Variants in PDE6G observed in about 807,000 individuals in gnomAD.
PDE6G encodes the protein phosphodiesterase 6G.
Under a neutral mutation model 10.9 loss-of-function variants are expected in PDE6G, and 10 were observed. The observed-to-expected ratio is 0.91, with a 90% CI of 0.56 to 1.55. The LOEUF is 1.55. Ranked by LOEUF, PDE6G falls within the 40% of genes most tolerant of loss-of-function variation. The probability of loss-of-function intolerance (pLI) is 0.00; values close to 1 mark genes in which losing one functional copy is unlikely to be tolerated. For synonymous variants in PDE6G, 41 were observed against 42.8 expected (o/e 0.96, Z 0.16); for missense variants, 102 against 110.1 (o/e 0.93, Z 0.33).
At chr17:81,655,512 G>A (rs916105975) in intron 1 of PDE6G, among the ~76,000 whole-genome samples, 7 of 152,238 alleles carry the variant, frequency 4.6e-5, no homozygotes, top group African/African-American at 1.4e-4. Flanking sequence ...TGCACAGGGT[G>A]GCCTCTCCTC....
intron 1 of PDE6G, among the ~76,000 whole-genome samples, chr17:81,661,809 C>T (rs1051786792): frequency 5.0e-5 from 7 of 140,680 alleles, no homozygotes; most frequent in Admixed American, 3.8e-4. Flanking sequence ...GCAGTGAGCC[C>T]GAGATTGCGC....
chr17:81,658,686 C>G (rs537041854), upstream of PDE6G, among the ~76,000 whole-genome samples: 1 of 151,658 alleles, frequency 6.6e-6, no homozygotes, highest in African/African-American at 2.4e-5. Context: ...ACTAAAAATA[C>G]AAAAATTAGC....
At chr17:81,655,242 C>T (rs984621004) in intron 1 of PDE6G, among the ~76,000 whole-genome samples, 10 of 152,172 alleles carry the variant, frequency 6.6e-5, no homozygotes, top group Admixed American at 3.3e-4. Flanking sequence ...TCCCCAGGCA[C>T]GGCGCCCCTG....
chr17:81,661,858 CA>C (rs33915100), intron 1 of PDE6G, among the ~76,000 whole-genome samples: 11,961 of 65,268 alleles, frequency 0.18, 481 homozygotes, highest in Middle Eastern at 0.27. Context: ...GACTCTGTCT[CA>C]AAAAAAAAAA....
At chr17:81,662,017 C>G (rs1414276465) in intron 1 of PDE6G, among the ~76,000 whole-genome samples, 1 of 151,792 alleles carries the variant, frequency 6.6e-6, no homozygotes, top group Non-Finnish European at 1.5e-5. Flanking sequence ...GGTGACAGGG[C>G]GAGACTCTGT....
In PDE6G at chr17:81,661,810, G is replaced by A. The variant is rs577376922; in HGVS notation, c.-60+1249C>T. 5.6e-4 allele frequency among the ~76,000 whole-genome samples: 80 copies of A among 142,744 alleles called. 1 individual carries two copies. The highest frequency in any genetic ancestry group is 2.1e-3 in the African/African-American group (80 of 38,210). The allele number at this position is 142,744 out of a possible 152,430, so 93.6% of individuals were successfully genotyped here. A position where few individuals can be genotyped will look rare whatever the true frequency, so the allele number is the denominator to read the frequency against. Reference sequence around the variant, plus strand: ...GGGCGGCAGAGGTTGCAGTGAGCCCGAGATTGCGCCACTGCACTCCAGCCT... The same window carrying A: ...GGGCGGCAGAGGTTGCAGTGAGCCCAAGATTGCGCCACTGCACTCCAGCCT... On this transcript the variant is annotated intron_variant, in intron 1 of 3. Coordinates refer to the PDE6G transcript ENST00000571224.
At position 81,651,610 on chromosome 17, in the gene PDE6G, G is replaced by C; in HGVS notation, c.187+35C>G. ...TGCTGGGTGTGCCTGGGGGGACCTGGGCAGACCTCGGGTTGGTACTGGCAG... is the reference window on the plus strand; with the variant it reads ...TGCTGGGTGTGCCTGGGGGGACCTGCGCAGACCTCGGGTTGGTACTGGCAG... On this transcript the variant is annotated intron_variant, in intron 3 of 3. Coordinates refer to ENST00000331056, the MANE Select transcript of PDE6G (RefSeq NM_002602.4). This position sits in a 1 kb window ranked among gnomAD's most constrained non-coding sequence, Gnocchi z 4.8. 1 of 1,610,408 alleles carries C rather than the reference G, an allele frequency of 6.2e-7. No homozygotes were observed. The highest frequency in any genetic ancestry group is 1.1e-5 in the South Asian group (1 of 91,000).
At position 81,650,581 on chromosome 17, in the gene PDE6G, C is replaced by T. The variant is rs1221821124; in HGVS notation, c.*493G>A. ...TGCTCACCGTGCACGCCCTGGAGTCCTGCTACCCAGCATGTCCAAACTAAG... is the reference window on the plus strand; with the variant it reads ...TGCTCACCGTGCACGCCCTGGAGTCTTGCTACCCAGCATGTCCAAACTAAG... On this transcript the variant is annotated 3_prime_UTR_variant, in exon 4 of 4. Transcript: ENST00000331056. 8.8e-6 allele frequency: 4 copies of T among 454,316 alleles called. No homozygotes were observed. Among genetic ancestry groups the T allele is most frequent in the East Asian group, 6.9e-5 (1 of 14,418 alleles). 28.1% of individuals were successfully genotyped at this position (454,316 alleles called of 1,614,324 possible).
Position 81,653,235 on chromosome 17 carries a change from C to A in PDE6G, c.71G>T (p.Arg24Met), listed in dbSNP as rs770884576. The A allele has an allele frequency of 1.2e-6, 2 of 1,614,008 alleles. No homozygotes were observed. Among genetic ancestry groups the A allele is most frequent in the Admixed American group, 1.7e-5 (1 of 59,990 alleles). The change falls in exon 2 of 4, where the codon AGG (arginine) becomes ATG (methionine). Residue 24 changes from arginine to methionine, a missense_variant. By Grantham distance (91) the Arg-to-Met change is moderately conservative. Coordinates refer to ENST00000331056, the MANE Select transcript of PDE6G (RefSeq NM_002602.4). The surrounding 1 kb of genome is among the most constrained non-coding windows in gnomAD (Gnocchi z 5.2). ...CTGCTTAAATTTAGGGGGCCCTTTCCTGGGGGTGACAGGTCCCCCGGCCAC... is the reference window on the plus strand; with the variant it reads ...CTGCTTAAATTTAGGGGGCCCTTTCATGGGGGTGACAGGTCCCCCGGCCAC... ...TRVAGGPVTPRKGPPKFKQRQ... is the reference protein window; with the variant it reads ...TRVAGGPVTPMKGPPKFKQRQ...
In PDE6G at chr17:81,653,121, T is replaced by G. The variant is rs1291152864; in HGVS notation, c.146+39A>C. On this transcript the variant is annotated intron_variant, in intron 2 of 3. Transcript: ENST00000331056. The surrounding 1 kb of genome is among the most constrained non-coding windows in gnomAD (Gnocchi z 5.2). ...CTTCCTGTGCAGCCTCAGGACCGCC[T>G]CCTCCCTTTCAGAGGCCCCATCCCC... is the stretch of plus-strand genomic sequence containing the variant. The G allele has an allele frequency of 4.5e-6, 7 of 1,571,680 alleles. No homozygotes were observed. The highest frequency in any genetic ancestry group is 6.1e-6 in the Non-Finnish European group (7 of 1,152,462).
intron 1 of PDE6G, among the ~76,000 whole-genome samples, chr17:81,654,750 A>AC (rs1296813285): frequency 7.6e-6 from 1 of 131,398 alleles, no homozygotes; most frequent in Non-Finnish European, 1.6e-5. Context: ...CTGGAATCTC[A>AC]CCTTTTTTTT....
upstream of PDE6G, among the ~76,000 whole-genome samples, chr17:81,658,204 C>T (rs537478031): frequency 3.3e-4 from 50 of 152,010 alleles, no homozygotes; most frequent in Non-Finnish European, 6.0e-4. Flanking sequence ...CCTGCCTCGG[C>T]CTCCTGAGTA....
chr17:81,653,101 T>G lies in PDE6G; in HGVS notation c.146+59A>C. 2.8e-6 allele frequency: 4 copies of G among 1,441,532 alleles called. No homozygotes were observed. Among genetic ancestry groups the G allele is most frequent in the Non-Finnish European group, 2.9e-6 (3 of 1,051,504 alleles). 89.3% of individuals were successfully genotyped at this position (1,441,532 alleles called of 1,614,324 possible). On this transcript the variant is annotated intron_variant, in intron 2 of 3. Coordinates refer to ENST00000331056, the MANE Select transcript of PDE6G (RefSeq NM_002602.4). The surrounding 1 kb of genome is among the most constrained non-coding windows in gnomAD (Gnocchi z 5.2). ...AGGCTCTGCCCCGCCCTCCCCTTCC[T>G]GTGCAGCCTCAGGACCGCCTCCTCC... is the stretch of plus-strand genomic sequence containing the variant.
chr17:81,656,986 C>T (rs566599470), upstream of PDE6G: 4 of 269,908 alleles, frequency 1.5e-5, no homozygotes, highest in East Asian at 8.9e-5. Flanking sequence ...AGGACCCCCC[C>T]CCGCCCTTAG....
chr17:81,656,398 C>G, intron 1 of PDE6G, 95 bp downstream of exon 1: 5 of 690,122 alleles, frequency 7.2e-6, no homozygotes, highest in Non-Finnish European at 1.1e-5. Context: ...AAAAGCCTGT[C>G]AGCTCCCTCT....
chr17:81,662,564 G>A (rs113576531), intron 1 of PDE6G, among the ~76,000 whole-genome samples: 10,353 of 151,840 alleles, frequency 0.068, 426 homozygotes, highest in Non-Finnish European at 0.086. Context: ...TGGAGGTTGT[G>A]GTGAGCCGAG....
chr17:81,662,790 G>A (rs539859482), intron 1 of PDE6G, among the ~76,000 whole-genome samples: 17 of 152,230 alleles, frequency 1.1e-4, no homozygotes, highest in African/African-American at 4.1e-4. Context: ...CCTGAGCCTA[G>A]GAGTTCAAGA....
upstream of PDE6G, among the ~76,000 whole-genome samples, chr17:81,660,512 T>C (rs946346151): frequency 6.6e-6 from 1 of 152,182 alleles, no homozygotes; most frequent in Non-Finnish European, 1.5e-5. Context: ...AAAGCGGCTG[T>C]GTATAAAGAC....
chr17:81,657,785 G>A (rs1169724296), upstream of PDE6G, among the ~76,000 whole-genome samples: 1 of 152,094 alleles, frequency 6.6e-6, no homozygotes, highest in East Asian at 1.9e-4. Context: ...GGAGGCTGAG[G>A]CAGGAGAATG....
Sources: gnomAD v4.1 joint callset for allele counts (sites outside exome capture counted in the v4.1 genomes callset) on GRCh38, gnomAD v4.1.1 for gene constraint, Gnocchi (gnomAD v3.1) non-coding constraint, MANE v1.5 for transcripts, NCBI Gene and HGNC (gene_info 2026-07-23, HGNC 2026-07-21) for gene names.